Variants in SEC63 observed in about 807,000 individuals in gnomAD.
SEC63 encodes SEC63 protein translocation regulator.
Under a neutral mutation model 116.2 loss-of-function variants are expected in SEC63, and 56 were observed. The observed-to-expected ratio is 0.48, with a 90% CI of 0.39 to 0.60. The LOEUF is 0.60. Among genes scored for constraint, SEC63 ranks in the 20% least tolerant of loss-of-function variants. The probability of loss-of-function intolerance (pLI) is 0.00; values close to 1 mark genes in which losing one functional copy is unlikely to be tolerated. For synonymous variants in SEC63, 273 were observed against 294.6 expected, an observed-to-expected ratio of 0.93 and a Z score of 0.75; for missense variants, 668 against 900.0, an observed-to-expected ratio of 0.74 and a Z score of 3.30.
chr6:107,920,428 A>C (rs1787528868), intron 4 of SEC63, among the ~76,000 whole-genome samples: 1 of 134,874 alleles, frequency 7.4e-6, no homozygotes, highest in Non-Finnish European at 1.6e-5. Context: ...TCCGTCTCAA[A>C]AAAAAAAAAA....
chr6:107,944,338 T>C (rs543751441), intron 1 of SEC63, among the ~76,000 whole-genome samples: 4 of 152,302 alleles, frequency 2.6e-5, no homozygotes, highest in African/African-American at 4.8e-5. Flanking sequence ...GAAAGATCTC[T>C]ATTAGATATC....
At chr6:107,892,451 G>A (rs143893838) in intron 16 of SEC63, among the ~76,000 whole-genome samples, 2 of 152,182 alleles carry the variant, frequency 1.3e-5, no homozygotes, top group East Asian at 3.9e-4. Context: ...AATGTTTCCA[G>A]AAGAAAACAG....
At chr6:107,920,379 T>C (rs946338429) in intron 4 of SEC63, among the ~76,000 whole-genome samples, 2 of 123,784 alleles carry the variant, frequency 1.6e-5, no homozygotes, top group East Asian at 2.3e-4. Flanking sequence ...TGAGCCGAGA[T>C]AGCGCCACTG....
At chr6:107,881,351 G>A in intron 17 of SEC63, 101 bp from the exon 18 acceptor site, 1 of 784,078 alleles carries the variant, frequency 1.3e-6, no homozygotes, top group Non-Finnish European at 2.2e-6. Context: ...AACTACTTAG[G>A]ATTAGAACAA....
chr6:107,947,859 C>G (rs1349313947), intron 1 of SEC63, among the ~76,000 whole-genome samples: 1 of 152,152 alleles, frequency 6.6e-6, no homozygotes, highest in Non-Finnish European at 1.5e-5. Flanking sequence ...CAACCTCCCC[C>G]TCCACCCACC....
chr6:107,915,635 T>G (rs1227827786), intron 4 of SEC63, among the ~76,000 whole-genome samples: 1 of 148,440 alleles, frequency 6.7e-6, no homozygotes, highest in Non-Finnish European at 1.5e-5. Flanking sequence ...AAAATCTGAT[T>G]AAAAAAAAAA....
chr6:107,954,950 G>A (rs1364629157), intron 1 of SEC63, among the ~76,000 whole-genome samples: 2 of 152,158 alleles, frequency 1.3e-5, no homozygotes, highest in African/African-American at 4.8e-5. Flanking sequence ...TTGAGCAAGA[G>A]CAAACAAATA....
chr6:107,944,707 T>TAAAAAC (rs1209009790), intron 1 of SEC63, among the ~76,000 whole-genome samples: 2 of 151,086 alleles, frequency 1.3e-5, no homozygotes, highest in Admixed American at 6.6e-5. Context: ...AAAATAAAAA[T>TAAAAAC]AAAAATAAAA....
chr6:107,921,480 G>A (rs1454281248), intron 4 of SEC63, among the ~76,000 whole-genome samples: 1 of 150,062 alleles, frequency 6.7e-6, no homozygotes, highest in Non-Finnish European at 1.5e-5. Context: ...TAGAGATGGA[G>A]TATTACTGTC....
chr6:107,931,914 A>C (rs966880097), intron 1 of SEC63: 1 of 152,738 alleles, frequency 6.5e-6, no homozygotes, highest in Admixed American at 6.6e-5. Flanking sequence ...ACACAAAATA[A>C]GACTTGCCAC....
chr6:107,922,636 T>G (rs950938529), intron 3 of SEC63, among the ~76,000 whole-genome samples: 3 of 152,246 alleles, frequency 2.0e-5, no homozygotes, highest in African/African-American at 7.2e-5. Flanking sequence ...TTTCAGCTGC[T>G]TGTCTATCAA....
rs1306467602 is a variant in SEC63, at chr6:107,911,373, T to C, written c.597A>G (p.Ala199=). Residue 199 remains alanine (A), a synonymous_variant, in exon 7 of 21, where the codon GCA becomes GCG. Transcript: ENST00000369002. ...SILVLLVYGL[A]FMVILPVVVG... is the part of the protein sequence containing the mutation. The stretch of plus-strand genomic sequence containing the variant: ...CAACAACTGGAAGGATAACCATAAA[T>C]GCCAATCCATATACAAGTAAAACCT... 1 of 1,608,576 alleles carries C rather than the reference T, an allele frequency of 6.2e-7. No individual in the cohort carries two copies. Among genetic ancestry groups the C allele is most frequent in the East Asian group, 2.2e-5 (1 of 44,832 alleles).
chr6:107,888,075 G>A (rs1213916435), intron 16 of SEC63, among the ~76,000 whole-genome samples: 1 of 152,114 alleles, frequency 6.6e-6, no homozygotes, highest in Non-Finnish European at 1.5e-5. Flanking sequence ...TGGCTATGCG[G>A]GCTCTTTTTT....
intron 4 of SEC63, among the ~76,000 whole-genome samples, chr6:107,916,914 C>A (rs1377939737): frequency 4.6e-5 from 7 of 152,178 alleles, no homozygotes; most frequent in Non-Finnish European, 8.8e-5. Flanking sequence ...AAATTACTAA[C>A]CCTAAAATGG....
rs763151452 is a variant in SEC63, at chr6:107,876,585, A to G, written c.2013T>C (p.Cys671=). 7.5e-6 allele frequency: 12 copies of G among 1,603,750 alleles called. No homozygotes were observed. In the East Asian group the frequency reaches 1.8e-4, roughly 24 times the overall value. The part of the protein sequence containing the change: ...QTLISMPYHV[C]TLKDTEEVEL... ...TTACCTCCTCTGTATCTTTCAGCGT[A>G]CACACATGATATGGCATGGATATTA... Residue 671 remains cysteine (C), a synonymous_variant, in exon 19 of 21, where the codon TGT becomes TGC. Transcript: ENST00000369002.
chr6:107,870,872 C>T lies in SEC63; in HGVS notation c.*832G>A, dbSNP rs1219840811. 2 of 152,228 alleles carry T rather than the reference C, an allele frequency of 1.3e-5. No homozygotes were observed. Among genetic ancestry groups the T allele is most frequent in the Non-Finnish European group, 2.9e-5 (2 of 68,022 alleles). 9.4% of individuals were successfully genotyped at this position (152,228 alleles called of 1,614,324 possible). The stretch of plus-strand genomic sequence containing the variant: ...TTCCTTAAAAAGCTCCTGATAGAGT[C>T]AAGTAGACTGAAAACTAAGGATGTA... On this transcript the variant is annotated 3_prime_UTR_variant, in exon 21 of 21. Transcript: ENST00000369002.
chr6:107,957,600 A>G, intron 1 of SEC63: 1 of 252,928 alleles, frequency 4.0e-6, no homozygotes. Context: ...ATAAAAGCAA[A>G]GGCAGAGAAG....
rs146134069 is a variant in SEC63 at position 107,924,920 on chromosome 6, C to T, written c.237G>A (p.Leu79=). The change falls in exon 3 of 21, where the codon CTG becomes CTA. Residue 79 remains leucine (L), a synonymous_variant. Transcript: ENST00000369002. ...NIIPTVKKIV[L]LAGWALFLFL... ...ATAAGAACAATGCCCATCCTGCAAG[C>T]AGAACTATTTTCCTGTTTAGGAAAA... The T allele has an allele frequency of 5.2e-5, 83 of 1,582,166 alleles. No homozygotes were observed. The highest frequency in any genetic ancestry group is 6.7e-5 in the Admixed American group (4 of 59,946).
intron 3 of SEC63, 86 bp from the exon 4 acceptor site, chr6:107,921,995 A>G: frequency 1.3e-6 from 1 of 782,818 alleles, no homozygotes; most frequent in South Asian, 1.5e-5. Context: ...CCTATTTTGA[A>G]CTTAAAATAT....
Sources: gnomAD v4.1 joint callset for allele counts (sites outside exome capture counted in the v4.1 genomes callset) on GRCh38, gnomAD v4.1.1 for gene constraint, MANE v1.5 for transcripts, NCBI Gene and HGNC (gene_info 2026-07-23, HGNC 2026-07-21) for gene names.